The following IL21R variants were observed in gnomAD, a reference collection of about 807,000 sequenced individuals.
IL21R encodes the protein interleukin-21 receptor.
IL21R carries 14 observed loss-of-function variants against 41.3 expected under a neutral mutation model. The observed-to-expected ratio is 0.34, with a 90% CI of 0.22 to 0.53. IL21R has a LOEUF of 0.53. Ranked by LOEUF, IL21R falls within the 20% of genes least tolerant of loss-of-function variation. The pLI, the probability that IL21R is intolerant of heterozygous loss-of-function variation, is 0.94. For missense variants in IL21R, 588 were observed against 681.6 expected (o/e 0.86, Z 1.53); for synonymous variants, 286 against 287.6 (o/e 0.99, Z 0.05).
chr16:27,418,743 A>C (rs1177920143), intron 1 of IL21R, among the ~76,000 whole-genome samples: 1 of 152,128 alleles, frequency 6.6e-6, no homozygotes, highest in East Asian at 1.9e-4. Flanking sequence ...CAGTTATCTT[A>C]TTGTAATAAC....
At chr16:27,443,908 A>C (rs1290241812) in intron 5 of IL21R, 2 of 152,138 alleles carry the variant, frequency 1.3e-5, no homozygotes, top group Non-Finnish European at 2.9e-5. Context: ...AAAATAAAAA[A>C]TAGTAACAAT....
chr16:27,436,178 C>T (rs2087266692), intron 3 of IL21R, among the ~76,000 whole-genome samples: 1 of 152,248 alleles, frequency 6.6e-6, no homozygotes, highest in African/African-American at 2.4e-5. Flanking sequence ...GCCGCATGGC[C>T]AGCCTCCCAA....
chr16:27,441,063 AAAAG>A (rs2087380299), intron 4 of IL21R, among the ~76,000 whole-genome samples: 3 of 150,762 alleles, frequency 2.0e-5, no homozygotes, highest in East Asian at 1.9e-4. Flanking sequence ...AAAAAAAAAA[AAAAG>A]AAAGAAGAGA....
At chr16:27,419,981 C>G (rs542001970) in intron 1 of IL21R, among the ~76,000 whole-genome samples, 147 of 151,878 alleles carry the variant, frequency 9.7e-4, no homozygotes, top group Non-Finnish European at 1.7e-3. Flanking sequence ...CTCTGCCTCC[C>G]CATTCAAGTG....
At chr16:27,404,486 A>G (rs1032033075) in intron 1 of IL21R, among the ~76,000 whole-genome samples, 2 of 152,192 alleles carry the variant, frequency 1.3e-5, no homozygotes, top group African/African-American at 4.8e-5. Flanking sequence ...AGCCACCAGA[A>G]GTTCTGGGAG....
chr16:27,447,391 A>G lies in IL21R; in HGVS notation c.868-1143A>G, dbSNP rs1217854702. 2.0e-5 allele frequency among the ~76,000 whole-genome samples: 3 copies of G among 151,916 alleles called. No homozygotes were observed. The East Asian group carries it at 5.8e-4, about 29-fold the overall frequency. On this transcript the variant is annotated intron_variant, in intron 8 of 8. Transcript: ENST00000337929. ...TTGGCTTAAGGGCACACAGCTGAGAAGCGACTTTGAATCAGTGGTGGTGGC... is the reference window on the plus strand; with the variant it reads ...TTGGCTTAAGGGCACACAGCTGAGAGGCGACTTTGAATCAGTGGTGGTGGC...
chr16:27,446,114 T>TCCTCGGAGCC, intron 8 of IL21R, 26 bp downstream of exon 8: 1 of 1,597,486 alleles, frequency 6.3e-7, no homozygotes, highest in Non-Finnish European at 8.6e-7. Flanking sequence ...TGTGATGAGC[T>TCCTCGGAGCC]CCTCGGAGCC....
chr16:27,443,719 G>A (rs1567371777), intron 5 of IL21R, among the ~76,000 whole-genome samples: 3 of 141,314 alleles, frequency 2.1e-5, no homozygotes, highest in Non-Finnish European at 3.1e-5. Context: ...GGAGGCGGAG[G>A]TTGCAGTGAG....
At chr16:27,424,242 T>A (rs994090153) in intron 1 of IL21R, among the ~76,000 whole-genome samples, 8 of 152,076 alleles carry the variant, frequency 5.3e-5, no homozygotes, top group African/African-American at 1.9e-4. Flanking sequence ...ACCTGGCTAA[T>A]TTTTGTATTT....
Position 27,449,107 on chromosome 16 carries a change from C to A in IL21R, c.1441C>A (p.Pro481Thr). 6.2e-7 allele frequency: 1 copy of A among 1,613,486 alleles called. No homozygotes were observed. Among genetic ancestry groups the A allele is most frequent in the Non-Finnish European group, 8.5e-7 (1 of 1,179,992 alleles). ...GGTCTCAGAGAGTGAGGCGGGCTCACCCCTGGCCGGCCTGGATATGGACAC... is the reference window on the plus strand; with the variant it reads ...GGTCTCAGAGAGTGAGGCGGGCTCAACCCTGGCCGGCCTGGATATGGACAC... ...GGVSESEAGSPLAGLDMDTFD... is the reference protein window; with the variant it reads ...GGVSESEAGSTLAGLDMDTFD... Residue 481 changes from proline (P) to threonine (T), a missense_variant, in exon 9 of 9, where the codon CCC becomes ACC. Transcript: ENST00000337929.
At chr16:27,420,970 G>A (rs1468898452) in intron 1 of IL21R, among the ~76,000 whole-genome samples, 3 of 152,070 alleles carry the variant, frequency 2.0e-5, no homozygotes, top group Non-Finnish European at 4.4e-5. Context: ...AATCTATTTT[G>A]AGTAAATTTT....
chr16:27,428,531 G>A (rs1189671631), intron 1 of IL21R, among the ~76,000 whole-genome samples: 1 of 152,268 alleles, frequency 6.6e-6, no homozygotes, highest in Non-Finnish European at 1.5e-5. Context: ...ATAGGGGCTG[G>A]TCTGGGAGGG....
chr16:27,440,242 T>TAGAGAGAGAGAG (rs1329486965), intron 4 of IL21R, among the ~76,000 whole-genome samples: 1 of 87,020 alleles, frequency 1.1e-5, no homozygotes, highest in African/African-American at 5.9e-5. Context: ...TATATATATA[T>TAGAGAGAGAGAG]ATATATAGAG....
intron 8 of IL21R, among the ~76,000 whole-genome samples, chr16:27,447,501 T>G (rs1017980032): frequency 1.3e-4 from 20 of 152,048 alleles, no homozygotes; most frequent in Non-Finnish European, 5.9e-5. Flanking sequence ...CCTTGCCAAT[T>G]GCATGAGGAT....
chr16:27,430,820 C>T (rs1056821345), intron 2 of IL21R, among the ~76,000 whole-genome samples: 1 of 152,118 alleles, frequency 6.6e-6, no homozygotes, highest in Non-Finnish European at 1.5e-5. Flanking sequence ...CTCAAAACAA[C>T]AGCAACAACA....
chr16:27,403,089 T>G, intron 1 of IL21R: 2 of 556,352 alleles, frequency 3.6e-6, no homozygotes, highest in Non-Finnish European at 6.6e-6. Flanking sequence ...GATGAGGCAA[T>G]GAGGCTGCGA....
chr16:27,448,952 G>A lies in IL21R; in HGVS notation c.1286G>A (p.Gly429Asp). Residue 429 changes from glycine (G) to aspartate (D), a missense_variant, in exon 9 of 9, where the codon GGC becomes GAC. Transcript: ENST00000337929. ...LDAGTTVLSCGCVSAGSPGLG... is the reference protein window; with the variant it reads ...LDAGTTVLSCDCVSAGSPGLG... ...GCAGGGACCACAGTCCTGTCCTGTG[G>A]CTGTGTCTCAGCTGGCAGCCCTGGG... 3 of 1,613,260 alleles carry A rather than the reference G, an allele frequency of 1.9e-6. No homozygotes were observed. The highest frequency in any genetic ancestry group is 2.5e-6 in the Non-Finnish European group (3 of 1,179,902).
At chr16:27,421,971 C>T (rs1327759506) in intron 1 of IL21R, among the ~76,000 whole-genome samples, 2 of 152,068 alleles carry the variant, frequency 1.3e-5, no homozygotes, top group Non-Finnish European at 2.9e-5. Context: ...CATTTCTTTA[C>T]CATTAAGTAT....
chr16:27,423,572 T>C (rs2087030291), intron 1 of IL21R, among the ~76,000 whole-genome samples: 1 of 152,174 alleles, frequency 6.6e-6, no homozygotes, highest in Non-Finnish European at 1.5e-5. Flanking sequence ...AAACAATATA[T>C]AGGATGATTT....
Sources: allele counts gnomAD v4.1 joint callset (sites outside exome capture counted in the v4.1 genomes callset), GRCh38; gene constraint gnomAD v4.1.1; transcripts MANE v1.5; gene names NCBI Gene and HGNC (gene_info 2026-07-23, HGNC 2026-07-21).